ADGB: variants seen among roughly 807,000 people sequenced by gnomAD.
The protein encoded by ADGB is calpain-7-like protein.
A neutral mutation model predicts 210.5 loss-of-function variants in ADGB; 172 were observed. The observed-to-expected ratio is 0.82, with a 90% confidence interval of 0.72 to 0.93. The LOEUF (loss-of-function observed/expected upper bound fraction) is 0.93. Ranked by LOEUF, ADGB falls within the 40% of genes least tolerant of loss-of-function variation. The pLI, the probability that ADGB is intolerant of heterozygous loss-of-function variation, is 0.00. For synonymous variants in ADGB, 658 were observed against 662.7 expected (o/e 0.99, Z 0.11); for missense variants, 2,025 against 1,964.8 (o/e 1.03, Z -0.58).
At chr6:146,637,491 G>A (rs370290545) in intron 2 of ADGB, among the ~76,000 whole-genome samples, 11 of 151,974 alleles carry the variant, frequency 7.2e-5, no homozygotes, top group Admixed American at 5.3e-4. Context: ...AATAAAAAAC[G>A]ATTTAATGGT....
Position 146,599,030 on chromosome 6 carries a change from C to A in ADGB, c.-11C>A, listed in dbSNP as rs1300473511. The stretch of plus-strand genomic sequence containing the variant: ...GCTCAGAGCTCAGCCCTACATAGAT[C>A]GGCTTCTGCCATGGCCTCCAAACAA... On this transcript the variant is annotated 5_prime_UTR_variant, in exon 1 of 36. Coordinates refer to ENST00000397944, the MANE Select transcript of ADGB (RefSeq NM_024694.4). 3.2e-6 allele frequency: 5 copies of A among 1,550,904 alleles called. No homozygotes were observed.
intron 35 of ADGB, chr6:146,803,103 T>A: frequency 6.6e-7 from 1 of 1,513,532 alleles, no homozygotes; most frequent in East Asian, 2.3e-5. Context: ...CTGTAAACAA[T>A]TGGTGAGCAC....
At chr6:146,648,393 G>A (rs1187000139) in intron 3 of ADGB, among the ~76,000 whole-genome samples, 1 of 151,980 alleles carries the variant, frequency 6.6e-6, no homozygotes, top group Non-Finnish European at 1.5e-5. Context: ...AGACATACCT[G>A]AGACTGGGTA....
intron 21 of ADGB, among the ~76,000 whole-genome samples, 180 bp downstream of exon 21, chr6:146,733,435 C>T (rs1464698123): frequency 6.6e-6 from 1 of 152,092 alleles, no homozygotes; most frequent in African/African-American, 2.4e-5. Flanking sequence ...TACCCCTAAT[C>T]CCCACCACAT....
chr6:146,645,171 A>T (rs1775589875), intron 3 of ADGB, among the ~76,000 whole-genome samples: 1 of 151,952 alleles, frequency 6.6e-6, no homozygotes, highest in South Asian at 2.1e-4. Context: ...TGATTGACAC[A>T]CTTCTTTCTG....
rs1240602803 is a variant in ADGB, at chr6:146,801,230, C to A, written c.4585C>A (p.Arg1529=). The change falls in exon 34 of 36, where the codon CGA becomes AGA. Residue 1529 remains arginine, a synonymous_variant. Transcript: ENST00000397944. ...TCCAACAATTTTGGAAACATCTCCA[C>A]GACTTATTCGAAAAGCACTAGAATT... ...RSPTILETSP[R]LIRKALEFMD... 1.3e-6 allele frequency: 2 copies of A among 1,511,920 alleles called. No homozygotes were observed. Among genetic ancestry groups the A allele is most frequent in the African/African-American group, 2.8e-5 (2 of 70,684 alleles). 93.7% of individuals were successfully genotyped at this position (1,511,920 alleles called of 1,614,324 possible). A position where few individuals can be genotyped will look rare whatever the true frequency, so the allele number is the denominator to read the frequency against.
At chr6:146,747,977 C>G (rs970220857) in intron 26 of ADGB, among the ~76,000 whole-genome samples, 2 of 151,490 alleles carry the variant, frequency 1.3e-5, no homozygotes, top group African/African-American at 4.8e-5. Context: ...GAGATCAGGT[C>G]TCACCATGTT....
chr6:146,620,223 A>G (rs1353160190), intron 1 of ADGB, among the ~76,000 whole-genome samples: 8 of 152,032 alleles, frequency 5.3e-5, no homozygotes, highest in Admixed American at 4.6e-4. Flanking sequence ...AATTTTTGGT[A>G]ACTTAATTAT....
At chr6:146,716,838 T>C (rs765562968) in intron 14 of ADGB, 45 bp from the exon 15 acceptor site, 1 of 1,445,214 alleles carries the variant, frequency 6.9e-7, no homozygotes, top group South Asian at 1.4e-5. Flanking sequence ...TTCAATAACT[T>C]GTTATTTAAC....
intron 9 of ADGB, among the ~76,000 whole-genome samples, chr6:146,681,324 C>G (rs773985778): frequency 1.3e-5 from 2 of 152,132 alleles, no homozygotes; most frequent in Non-Finnish European, 1.5e-5. Context: ...TCTGCTCCCT[C>G]TTTTGCCTTC....
chr6:146,672,565 CCAG>C lies in ADGB; in HGVS notation c.1087+99_1087+101del, dbSNP rs2114903484. ...TGTTGCTGGAAAGAGTGGTTTTGAT[CCAG>C]ACCCCAAGAGAGGGTTCTTGGATCT... On this transcript the variant is annotated intron_variant, in intron 8 of 35. Transcript: ENST00000397944. The C allele has an allele frequency of 2.2e-6, 3 of 1,372,170 alleles. No homozygotes were observed. In the Admixed American group the frequency reaches 8.6e-5, roughly 39 times the overall value. 85.0% of individuals were successfully genotyped at this position (1,372,170 alleles called of 1,614,324 possible). A position where few individuals can be genotyped will look rare whatever the true frequency, so the allele number is the denominator to read the frequency against.
intron 7 of ADGB, among the ~76,000 whole-genome samples, chr6:146,667,984 T>C (rs887287623): frequency 7.9e-5 from 12 of 152,180 alleles, no homozygotes; most frequent in Admixed American, 3.9e-4. Context: ...TTTCATGTGA[T>C]TCTAGATATA....
intron 17 of ADGB, among the ~76,000 whole-genome samples, chr6:146,722,441 T>G (rs562277074): frequency 1.3e-5 from 2 of 152,278 alleles, no homozygotes; most frequent in East Asian, 3.9e-4. Flanking sequence ...AAAACTTCAC[T>G]ATTGGTTAAA....
intron 3 of ADGB, among the ~76,000 whole-genome samples, chr6:146,652,066 G>A (rs1775711143): frequency 6.6e-6 from 1 of 152,142 alleles, no homozygotes; most frequent in Admixed American, 6.5e-5. Flanking sequence ...CATTGAATGT[G>A]TTGAATAGAT....
intron 28 of ADGB, among the ~76,000 whole-genome samples, chr6:146,768,258 T>C (rs2114630213): frequency 6.6e-6 from 1 of 152,314 alleles, no homozygotes; most frequent in South Asian, 2.1e-4. Flanking sequence ...TACTTTAAAA[T>C]TCATAGGAAT....
intron 9 of ADGB, among the ~76,000 whole-genome samples, chr6:146,677,534 T>C (rs1776101605): frequency 6.6e-6 from 1 of 152,218 alleles, no homozygotes; most frequent in African/African-American, 2.4e-5. Context: ...AAAATCATTT[T>C]CTTATATTGA....
chr6:146,635,539 T>C lies in ADGB; in HGVS notation c.237+2T>C. 6.6e-7 allele frequency: 1 copy of C among 1,524,726 alleles called. No homozygotes were observed. Among genetic ancestry groups the C allele is most frequent in the Non-Finnish European group, 8.8e-7 (1 of 1,135,756 alleles). 94.4% of individuals were successfully genotyped at this position (1,524,726 alleles called of 1,614,324 possible). A position where few individuals can be genotyped will look rare whatever the true frequency, so the allele number is the denominator to read the frequency against. ...AAAACAGGAAAAAGCCCTGTATTTG[T>C]AAGTAGATGTAAATGTGACTAGGTT... On this transcript the variant is annotated splice_donor_variant, in intron 2 of 35. Transcript: ENST00000397944. LOFTEE classifies it high-confidence loss of function.
At chr6:146,723,704 T>A (rs947716565) in intron 17 of ADGB, among the ~76,000 whole-genome samples, 1 of 152,206 alleles carries the variant, frequency 6.6e-6, no homozygotes, top group Admixed American at 6.5e-5. Flanking sequence ...ACCACTGCAC[T>A]TCAGCTTGGG....
chr6:146,630,612 TTGA>T (rs1781050919), intron 1 of ADGB, among the ~76,000 whole-genome samples: 1 of 151,790 alleles, frequency 6.6e-6, no homozygotes, highest in African/African-American at 2.4e-5. Flanking sequence ...AAGAGAAAAA[TTGA>T]TGATCAGAGT....
Sources: allele counts gnomAD v4.1 joint callset (sites outside exome capture counted in the v4.1 genomes callset), GRCh38; gene constraint gnomAD v4.1.1; transcripts MANE v1.5; gene names NCBI Gene and HGNC (gene_info 2026-07-23, HGNC 2026-07-21).